Variants in GLIS3 observed in about 807,000 individuals in gnomAD.
GLIS3 encodes the protein GLIS family zinc finger 3, also known as zinc finger protein GLIS3.
A neutral mutation model predicts 78.6 loss-of-function variants in GLIS3; 53 were observed. That is an observed-to-expected ratio of 0.67 (90% CI 0.54 to 0.85). The LOEUF is 0.85. Among genes scored for constraint, GLIS3 ranks in the 40% least tolerant of loss-of-function variants. GLIS3 has a pLI of 0.00. For synonymous variants in GLIS3, 684 were observed against 509.9 expected (o/e 1.34, Z -4.60); for missense variants, 1,703 against 1,231.1 (o/e 1.38, Z -5.74).
intron 8 of GLIS3, among the ~76,000 whole-genome samples, chr9:3,877,799 T>A (rs1349299657): frequency 6.6e-6 from 1 of 151,172 alleles, no homozygotes; most frequent in African/African-American, 2.5e-5. Flanking sequence ...CCTCCTGCAA[T>A]ATTCTTCTCC....
the GLIS3 span, among the ~76,000 whole-genome samples, chr9:4,474,668 T>C: frequency 8.9e-3 from 1,355 of 151,768 alleles, 29 homozygotes; most frequent in East Asian, 0.041. Flanking sequence ...ATTTTTTCTT[T>C]TTTTACTTTT....
At chr9:4,030,481 G>A (rs1233155759) in intron 4 of GLIS3, among the ~76,000 whole-genome samples, 1 of 152,166 alleles carries the variant, frequency 6.6e-6, no homozygotes, top group African/African-American at 2.4e-5. Context: ...GGTTGCCTGT[G>A]TTTTGTGGGG....
chr9:3,917,572 G>A (rs1824601859), intron 6 of GLIS3, among the ~76,000 whole-genome samples: 1 of 151,778 alleles, frequency 6.6e-6, no homozygotes, highest in African/African-American at 2.4e-5. Flanking sequence ...AAATTGTGAA[G>A]TGACTTCTAA....
At chr9:4,010,809 G>A (rs180877064) in intron 4 of GLIS3, among the ~76,000 whole-genome samples, 1 of 152,020 alleles carries the variant, frequency 6.6e-6, no homozygotes, top group Non-Finnish European at 1.5e-5. Flanking sequence ...ACCTAGAGTG[G>A]GTCCTGTGTT....
At chr9:4,158,947 G>T (rs573586861) in intron 2 of GLIS3, among the ~76,000 whole-genome samples, 1 of 150,916 alleles carries the variant, frequency 6.6e-6, no homozygotes, top group African/African-American at 2.4e-5. Flanking sequence ...GTAACAATAC[G>T]GGGGCGGAGT....
Position 4,143,530 on chromosome 9 carries a change from G to A in GLIS3, c.389-17589C>T, listed in dbSNP as rs147981707. On this transcript the variant is annotated intron_variant, in intron 2 of 10. Coordinates refer to ENST00000381971, the MANE Select transcript of GLIS3 (RefSeq NM_001042413.2). ...TGCAGTGAGCCGAGATTGCACCACT[G>A]CACTCCAGCCTGGGCGACAGAGCAA... 5.8e-4 allele frequency among the ~76,000 whole-genome samples: 88 copies of A among 151,594 alleles called. 1 individual carries two copies. The highest frequency in any genetic ancestry group is 2.0e-3 in the African/African-American group (82 of 41,262).
At chr9:4,004,252 C>G (rs369800484) in intron 4 of GLIS3, among the ~76,000 whole-genome samples, 1 of 152,086 alleles carries the variant, frequency 6.6e-6, no homozygotes, top group Non-Finnish European at 1.5e-5. Flanking sequence ...TGATTGATGA[C>G]CAGACCAAGG....
chr9:4,434,442 A>C, the GLIS3 span, among the ~76,000 whole-genome samples: 2 of 152,240 alleles, frequency 1.3e-5, no homozygotes, highest in Non-Finnish European at 2.9e-5. Flanking sequence ...CTAAGAGATA[A>C]TATCTGAGCT....
chr9:4,401,221 C>A, the GLIS3 span, among the ~76,000 whole-genome samples: 12 of 152,196 alleles, frequency 7.9e-5, 1 homozygote, highest in Middle Eastern at 0.01. Context: ...CAGCATTAAC[C>A]ATGAACTGAC....
At chr9:4,302,610 C>G (rs4741948), upstream of GLIS3, among the ~76,000 whole-genome samples, 5,100 of 152,254 alleles carry the variant, frequency 0.033, 163 homozygotes, top group Admixed American at 0.1. Flanking sequence ...TGAATAATCT[C>G]CTACTTAGAA....
At chr9:4,247,322 A>G (rs1823893868) in intron 2 of GLIS3, among the ~76,000 whole-genome samples, 1 of 152,254 alleles carries the variant, frequency 6.6e-6, no homozygotes, top group Admixed American at 6.5e-5. Context: ...GTGAACTCAA[A>G]TAAAGGATAA....
At chr9:4,363,637 C>G in the GLIS3 span, among the ~76,000 whole-genome samples, 1 of 152,202 alleles carries the variant, frequency 6.6e-6, no homozygotes, top group Non-Finnish European at 1.5e-5. Context: ...ATCTGTGTAG[C>G]TGGCATCCAG....
chr9:4,334,295 C>T (rs970829923), intron 2 of GLIS3, among the ~76,000 whole-genome samples: 5 of 152,160 alleles, frequency 3.3e-5, no homozygotes, highest in Admixed American at 2.6e-4. Flanking sequence ...AGTCCTTCTA[C>T]AAATTACAGA....
At chr9:4,482,600 A>T in the GLIS3 span, among the ~76,000 whole-genome samples, 3 of 152,218 alleles carry the variant, frequency 2.0e-5, no homozygotes, top group Non-Finnish European at 2.9e-5. Context: ...TTTTATGATG[A>T]TAGAATACAA....
intron 6 of GLIS3, among the ~76,000 whole-genome samples, chr9:3,906,054 G>T (rs577268081): frequency 2.0e-5 from 3 of 152,216 alleles, no homozygotes; most frequent in African/African-American, 7.2e-5. Flanking sequence ...AAACTGATGG[G>T]TTCTGAAAAC....
intron 2 of GLIS3, among the ~76,000 whole-genome samples, chr9:4,271,161 A>G (rs540637509): frequency 6.6e-6 from 1 of 152,322 alleles, no homozygotes; most frequent in Admixed American, 6.5e-5. Context: ...ATACTAGAAA[A>G]TTAGGAAAAA....
the GLIS3 span, among the ~76,000 whole-genome samples, chr9:4,452,231 A>C: frequency 6.6e-6 from 1 of 152,310 alleles, no homozygotes; most frequent in East Asian, 1.9e-4. Context: ...GAATGGGCAA[A>C]AACTGGAAGC....
At chr9:3,985,025 T>C (rs1282186176) in intron 4 of GLIS3, among the ~76,000 whole-genome samples, 1 of 152,078 alleles carries the variant, frequency 6.6e-6, no homozygotes, top group African/African-American at 2.4e-5. Context: ...CCTCTTTCTT[T>C]TGTAAATTGC....
chr9:4,449,739 T>C, the GLIS3 span, among the ~76,000 whole-genome samples: 38 of 152,182 alleles, frequency 2.5e-4, no homozygotes, highest in Non-Finnish European at 1.8e-4. Context: ...CCAACAGACC[T>C]GCAGCTGAGG....
Sources: gnomAD v4.1 joint callset for allele counts (sites outside exome capture counted in the v4.1 genomes callset) on GRCh38, gnomAD v4.1.1 for gene constraint, MANE v1.5 for transcripts, NCBI Gene and HGNC (gene_info 2026-07-23, HGNC 2026-07-21) for gene names.